F8: variants seen among roughly 807,000 people sequenced by gnomAD.
F8 encodes the protein coagulation factor VIII.
Under a neutral mutation model 140.6 loss-of-function variants are expected in F8, and 12 were observed. The observed-to-expected ratio is 0.09, with a 90% CI of 0.05 to 0.14. F8 has a LOEUF of 0.14. Ranked by LOEUF, F8 falls within the 10% of genes least tolerant of loss-of-function variation. The pLI, the probability that F8 is intolerant of heterozygous loss-of-function variation, is 1.00. For synonymous variants in F8, 585 were observed against 614.6 expected (o/e 0.95, Z 0.71); for missense variants, 1,354 against 1,720.7 (o/e 0.79, Z 3.77).
At position 154,896,220 on chromosome X, in the gene F8, C is replaced by T. The variant is rs1003244066; in HGVS notation, c.6286G>A (p.Ala2096Thr). 5.8e-6 allele frequency: 7 copies of T among 1,208,478 alleles called. No individual in the cohort carries two copies. In the Admixed American group the frequency reaches 1.1e-4, roughly 19 times the overall value. Reference sequence around the variant, plus strand: ...TTGATGCCGTGAATAATCATTGGTGCCAACAGATCCACCTACCAATTAAAA... The same window carrying T: ...TTGATGCCGTGAATAATCATTGGTGTCAACAGATCCACCTACCAATTAAAA... ...PFSWIKVDLL[A>T]PMIIHGIKTQ... Residue 2096 changes from alanine to threonine, a missense_variant, in exon 22 of 26, where the codon GCA becomes ACA. Around this residue, in one of 4 missense-constraint regions of F8, gnomAD observed 316 missense variants for 485.4 expected, o/e 0.65. Transcript: ENST00000360256.
At chrX:154,956,899 G>A in intron 11 of F8, 58 bp downstream of exon 11, 1 of 940,766 alleles carries the variant, frequency 1.1e-6, no homozygotes, top group Non-Finnish European at 1.5e-6. Context: ...TTTTCTTCAG[G>A]TTATAAGGGG....
At chrX:154,994,379 AATAT>A (rs1460696410) in intron 3 of F8, among the ~76,000 whole-genome samples, 1 of 112,298 alleles carries the variant, frequency 8.9e-6, no homozygotes, top group Non-Finnish European at 1.9e-5. Flanking sequence ...AATATCACCT[AATAT>A]CAATGCAATA....
intron 6 of F8, among the ~76,000 whole-genome samples, chrX:154,981,664 A>C (rs1557283572): frequency 9.0e-6 from 1 of 111,319 alleles, no homozygotes; most frequent in African/African-American, 3.3e-5. Context: ...TTTAATTCTT[A>C]TCATTTTTCT....
At chrX:155,003,898 T>C (rs1395078581) in intron 1 of F8, among the ~76,000 whole-genome samples, 1 of 102,934 alleles carries the variant, frequency 9.7e-6, no homozygotes, top group Non-Finnish European at 2.0e-5. Flanking sequence ...GAGGTGGAGC[T>C]TGCAGTGAGC....
At chrX:154,843,693 C>T (rs1316715399) in intron 25 of F8, among the ~76,000 whole-genome samples, 5 of 112,001 alleles carry the variant, frequency 4.5e-5, no homozygotes, top group African/African-American at 1.6e-4. Flanking sequence ...GATATTAGCC[C>T]TTTGTCAGAT....
chrX:154,971,930 T>G lies in F8; in HGVS notation c.788-2378A>C, dbSNP rs189736025. Among the ~76,000 whole-genome samples, 876 of 112,690 alleles carry G rather than the reference T, an allele frequency of 7.8e-3. 8 individuals are homozygous for G. Among genetic ancestry groups the G allele is most frequent in the Non-Finnish European group, 0.014 (725 of 53,255 alleles). On this transcript the variant is annotated intron_variant, in intron 6 of 25. Transcript: ENST00000360256. ...GTTTCTTTATCCATTCATCCATTGA[T>G]GGGCATTTAAGTTGATTTTATATCT...
At chrX:155,000,496 A>C (rs781784356) in intron 1 of F8, among the ~76,000 whole-genome samples, 15 of 112,336 alleles carry the variant, frequency 1.3e-4, no homozygotes, top group Middle Eastern at 9.2e-3. Context: ...ATCTCCCATC[A>C]GATTTTACCA....
At chrX:154,945,632 A>G (rs5945122) in intron 13 of F8, among the ~76,000 whole-genome samples, 1 of 111,663 alleles carries the variant, frequency 9.0e-6, no homozygotes, top group Non-Finnish European at 1.9e-5. Context: ...TACGGCTAAT[A>G]TCATACCAAA....
chrX:154,957,881 CAA>C (rs1398376293), intron 10 of F8, among the ~76,000 whole-genome samples: 16 of 44,322 alleles, frequency 3.6e-4, no homozygotes, highest in Non-Finnish European at 2.7e-4. Context: ...ACTCTGTCTC[CAA>C]AAAAAAAAAA....
At chrX:154,947,560 C>T in intron 13 of F8, 138 bp downstream of exon 13, 4 of 541,551 alleles carry the variant, frequency 7.4e-6, no homozygotes, top group Non-Finnish European at 1.3e-5. Flanking sequence ...AATAACTACT[C>T]AGAGGAGAAA....
chrX:154,988,376 C>T (rs1362111663), intron 4 of F8, among the ~76,000 whole-genome samples: 1 of 111,943 alleles, frequency 8.9e-6, no homozygotes, highest in African/African-American at 3.2e-5. Flanking sequence ...GAACACTTCA[C>T]AGTCTAGACC....
intron 22 of F8, among the ~76,000 whole-genome samples, chrX:154,873,267 C>T (rs2072788663): frequency 9.4e-6 from 1 of 106,367 alleles, no homozygotes; most frequent in South Asian, 4.2e-4. Context: ...TGCTCTGTTG[C>T]CCAGGCTGGA....
At chrX:154,910,747 AC>A (rs1356795935) in intron 14 of F8, among the ~76,000 whole-genome samples, 4 of 110,507 alleles carry the variant, frequency 3.6e-5, no homozygotes, top group Non-Finnish European at 5.7e-5. Context: ...CCAGCCCGAC[AC>A]CCGTAAAGGG....
At chrX:154,891,614 C>G (rs1386852455) in intron 22 of F8, among the ~76,000 whole-genome samples, 3 of 112,618 alleles carry the variant, frequency 2.7e-5, no homozygotes, top group Non-Finnish European at 5.6e-5. Flanking sequence ...AGAGAGCTAA[C>G]ATTGCCCTGA....
intron 22 of F8, among the ~76,000 whole-genome samples, chrX:154,877,540 T>C (rs1038243043): frequency 6.3e-5 from 7 of 111,248 alleles, no homozygotes; most frequent in African/African-American, 2.3e-4. Context: ...TCGCCCAGGC[T>C]GGAGTGCAGT....
intron 14 of F8, among the ~76,000 whole-genome samples, chrX:154,928,190 T>A (rs1192439635): frequency 9.0e-6 from 1 of 111,672 alleles, no homozygotes; most frequent in African/African-American, 3.3e-5. Context: ...AACCTCCCTC[T>A]ACTCACCTAA....
intron 1 of F8, among the ~76,000 whole-genome samples, chrX:155,004,096 A>G (rs1286512478): frequency 1.8e-5 from 2 of 111,260 alleles, no homozygotes; most frequent in East Asian, 5.6e-4. Flanking sequence ...GGGGAAAAAC[A>G]CTTTATCCAT....
chrX:154,963,565 C>A, intron 9 of F8, among the ~76,000 whole-genome samples: 1 of 111,506 alleles, frequency 9.0e-6, no homozygotes. Flanking sequence ...GGGTATATAC[C>A]TAGTAATGGG....
chrX:154,863,626 G>C (rs2072711114), intron 22 of F8, among the ~76,000 whole-genome samples: 1 of 110,879 alleles, frequency 9.0e-6, no homozygotes, highest in African/African-American at 3.3e-5. Context: ...GAGGTCCCTA[G>C]CTCTTGTTCC....
Sources: allele counts gnomAD v4.1 joint callset (sites outside exome capture counted in the v4.1 genomes callset), GRCh38; gene constraint gnomAD v4.1.1; regional missense constraint gnomAD v4.1.1; transcripts MANE v1.5; gene names NCBI Gene and HGNC (gene_info 2026-07-23, HGNC 2026-07-21).